The following SDK1 variants were observed in gnomAD, a reference collection of about 807,000 sequenced individuals.
SDK1 encodes protein sidekick-1.
In SDK1, 157 loss-of-function variants were observed where a neutral mutation model predicts 245.5. That is an observed-to-expected ratio of 0.64 (90% confidence interval 0.56 to 0.73). The LOEUF is 0.73. SDK1 is among the 30% of genes least tolerant of loss of function. SDK1 has a pLI of 0.00. For missense variants in SDK1, 3,583 were observed against 3,002.3 expected, an observed-to-expected ratio of 1.19 and a Z score of -4.52; for synonymous variants, 1,647 against 1,278.5, an observed-to-expected ratio of 1.29 and a Z score of -6.15.
chr7:3,837,673 A>G (rs566124349), intron 5 of SDK1, among the ~76,000 whole-genome samples: 4 of 152,302 alleles, frequency 2.6e-5, no homozygotes, highest in East Asian at 3.9e-4. Context: ...CCATGATCCA[A>G]TAGGAGTTGC....
At chr7:3,518,487 GAA>G (rs5881988) in intron 1 of SDK1, among the ~76,000 whole-genome samples, 1 of 145,934 alleles carries the variant, frequency 6.9e-6, no homozygotes. Context: ...CATCTGAACA[GAA>G]AAAAAAAAGA....
chr7:3,604,065 G>A (rs1781336861), intron 1 of SDK1, among the ~76,000 whole-genome samples: 1 of 152,170 alleles, frequency 6.6e-6, no homozygotes, highest in African/African-American at 2.4e-5. Flanking sequence ...TTTTTGATGT[G>A]CTGCTGGATT....
chr7:3,578,621 C>A (rs930273540), intron 1 of SDK1, among the ~76,000 whole-genome samples: 1 of 151,752 alleles, frequency 6.6e-6, no homozygotes, highest in African/African-American at 2.4e-5. Context: ...TTATAGACCA[C>A]CCCCCAGGAA....
At chr7:4,143,669 G>A (rs113012622) in intron 28 of SDK1, among the ~76,000 whole-genome samples, 2,406 of 152,300 alleles carry the variant, frequency 0.016, 65 homozygotes, top group African/African-American at 0.055. Context: ...GGGCCCTGGG[G>A]TCCGTGGTTC....
At chr7:4,192,758 C>T (rs773102200) in intron 35 of SDK1, among the ~76,000 whole-genome samples, 4 of 151,898 alleles carry the variant, frequency 2.6e-5, no homozygotes, top group African/African-American at 4.8e-5. Context: ...CCGCCCGTGT[C>T]GAGAACACTC....
intron 1 of SDK1, among the ~76,000 whole-genome samples, chr7:3,594,252 A>G (rs1323673975): frequency 6.6e-6 from 1 of 152,194 alleles, no homozygotes; most frequent in African/African-American, 2.4e-5. Flanking sequence ...AGTGTTTTCA[A>G]GGCTCATCCA....
In SDK1 at chr7:4,237,684, C is replaced by A; in HGVS notation, c.6030C>A (p.Phe2010Leu). ...VEAPFYEEWWFLLVMALSSLI... is the reference protein window; with the variant it reads ...VEAPFYEEWWLLLVMALSSLI... The stretch of plus-strand genomic sequence containing the variant: ...CCCCATTCTACGAGGAGTGGTGGTT[C>A]CTCCTGGTGATGGCTCTGTCCAGCC... Residue 2010 changes from phenylalanine (F) to leucine (L), a missense_variant, in exon 42 of 45, where the codon TTC becomes TTA. Transcript: ENST00000404826. 6.2e-7 allele frequency: 1 copy of A among 1,614,078 alleles called. No homozygotes were observed. The highest frequency in any genetic ancestry group is 8.5e-7 in the Non-Finnish European group (1 of 1,179,980).
At chr7:3,427,629 A>G (rs1403747808) in intron 1 of SDK1, among the ~76,000 whole-genome samples, 1 of 151,934 alleles carries the variant, frequency 6.6e-6, no homozygotes, top group Non-Finnish European at 1.5e-5. Flanking sequence ...AGATGGGCCT[A>G]GCATCTTTTC....
chr7:4,100,766 G>T lies in SDK1; in HGVS notation c.3325-9897G>T, dbSNP rs1210783756. Among the ~76,000 whole-genome samples, 4 of 152,190 alleles carry T rather than the reference G, an allele frequency of 2.6e-5. No homozygotes were observed. In the East Asian group the frequency reaches 7.7e-4, roughly 29 times the overall value. ...TCACAGTCGCCTAGTGGGGAAGGTGGTGTAGGAGGGCACCAGGCACCCCTG... is the reference window on the plus strand; with the variant it reads ...TCACAGTCGCCTAGTGGGGAAGGTGTTGTAGGAGGGCACCAGGCACCCCTG... On this transcript the variant is annotated intron_variant, in intron 22 of 44. Transcript: ENST00000404826.
intron 31 of SDK1, among the ~76,000 whole-genome samples, chr7:4,158,923 G>A (rs1242712414): frequency 6.6e-6 from 1 of 152,206 alleles, no homozygotes; most frequent in Non-Finnish European, 1.5e-5. Flanking sequence ...GCAGGTAAGT[G>A]ATGGGAAGCG....
At chr7:3,630,725 C>A (rs1025708952) in intron 2 of SDK1, among the ~76,000 whole-genome samples, 5 of 152,078 alleles carry the variant, frequency 3.3e-5, no homozygotes, top group African/African-American at 1.2e-4. Flanking sequence ...CTGAAAACTA[C>A]AAAACAATGC....
chr7:3,342,120 A>G (rs1271544416), intron 1 of SDK1, among the ~76,000 whole-genome samples: 1 of 152,252 alleles, frequency 6.6e-6, no homozygotes, highest in African/African-American at 2.4e-5. Flanking sequence ...ATTTTTGACA[A>G]AGGTGAAAAA....
At chr7:3,671,119 T>C (rs752587) in intron 4 of SDK1, among the ~76,000 whole-genome samples, 112,615 of 152,052 alleles carry the variant, frequency 0.74, 42,906 homozygotes, top group African/African-American at 0.94. Context: ...CCCCTGAGTT[T>C]TCAGCATTGG....
chr7:3,944,851 C>T (rs140647681), intron 5 of SDK1, among the ~76,000 whole-genome samples: 143 of 152,306 alleles, frequency 9.4e-4, no homozygotes, highest in African/African-American at 3.2e-3. Context: ...GGAGGCATCA[C>T]AACCACCTGG....
intron 44 of SDK1, among the ~76,000 whole-genome samples, chr7:4,264,657 CCTCTCCTGAGTGAGGGAGGCTGCGTAGAT>C (rs1287876004): frequency 6.7e-6 from 1 of 149,316 alleles, no homozygotes; most frequent in East Asian, 2.1e-4. Flanking sequence ...GCCGTGTAGA[CCTCTCCTGAGTGAGGGAGGCTGCGTAGAT>C]CTCTCCTGAG....
chr7:3,682,521 C>CA (rs1422625521), intron 4 of SDK1, among the ~76,000 whole-genome samples: 1 of 152,290 alleles, frequency 6.6e-6, no homozygotes, highest in African/African-American at 2.4e-5. Context: ...GGTCAGAACT[C>CA]ACGTGTCTGC....
intron 5 of SDK1, among the ~76,000 whole-genome samples, chr7:3,878,551 T>C (rs6958385): frequency 0.23 from 34,525 of 152,014 alleles, 4,124 homozygotes; most frequent in Middle Eastern, 0.32. Context: ...AATAAATAAA[T>C]AAAGGCTTTT....
intron 1 of SDK1, among the ~76,000 whole-genome samples, chr7:3,454,578 T>G (rs1447860878): frequency 6.6e-6 from 1 of 152,232 alleles, no homozygotes; most frequent in African/African-American, 2.4e-5. Context: ...ATAACACATT[T>G]GTTTTCCGTT....
chr7:3,367,238 C>G, intron 1 of SDK1, among the ~76,000 whole-genome samples: 1 of 151,686 alleles, frequency 6.6e-6, no homozygotes, highest in South Asian at 2.1e-4. Flanking sequence ...AATTTGTCAT[C>G]GTTGTAATTT....
Sources: gnomAD v4.1 joint callset for allele counts (sites outside exome capture counted in the v4.1 genomes callset) on GRCh38, gnomAD v4.1.1 for gene constraint, MANE v1.5 for transcripts, NCBI Gene and HGNC (gene_info 2026-07-23, HGNC 2026-07-21) for gene names.